SAMD12: variants seen among roughly 807,000 people sequenced by gnomAD.
The protein encoded by SAMD12 is sterile alpha motif domain-containing protein 12.
In SAMD12, 9 loss-of-function variants were observed where a neutral mutation model predicts 15.0. The ratio of observed to expected loss-of-function variants is 0.60; its 90% confidence interval spans 0.36 to 1.05. The LOEUF (loss-of-function observed/expected upper bound fraction) is 1.05, where lower values mean the gene tolerates loss of function less well. SAMD12 is among the 50% of genes least tolerant of loss of function. The pLI, the probability that SAMD12 is intolerant of heterozygous loss-of-function variation, is 0.01. For missense variants in SAMD12, 230 were observed against 234.2 expected, an observed-to-expected ratio of 0.98 and a Z score of 0.12; for synonymous variants, 86 against 90.1, an observed-to-expected ratio of 0.96 and a Z score of 0.25.
Position 118,346,363 on chromosome 8 carries a change from G to A in SAMD12, c.433+33197C>T, listed in dbSNP as rs888287504. ...CCCAACTGAATATTCCAGAAAGGTGGTAGAAATGTACTAGTCAGTTTTGCT... is the reference window on the plus strand; with the variant it reads ...CCCAACTGAATATTCCAGAAAGGTGATAGAAATGTACTAGTCAGTTTTGCT... On this transcript the variant is annotated intron_variant, in intron 4 of 4. Coordinates refer to the SAMD12 transcript ENST00000409003. Among the ~76,000 whole-genome samples, 52 of 152,154 alleles carry A rather than the reference G, an allele frequency of 3.4e-4. 2 individuals are homozygous for A. Among genetic ancestry groups the A allele is most frequent in the Admixed American group, 2.6e-4 (4 of 15,278 alleles).
chr8:118,439,771 A>G, intron 3 of SAMD12, 61 bp downstream of exon 3: 2 of 1,535,678 alleles, frequency 1.3e-6, no homozygotes, highest in Non-Finnish European at 1.8e-6. Context: ...GGGTATGGGA[A>G]AGGCTATCGT....
intron 4 of SAMD12, among the ~76,000 whole-genome samples, chr8:118,247,036 A>C (rs1812712257): frequency 6.6e-6 from 1 of 152,110 alleles, no homozygotes. Context: ...ATATGGCTGA[A>C]TATGGAGGAT....
chr8:118,581,904 A>C (rs1827305481), intron 1 of SAMD12, among the ~76,000 whole-genome samples: 2 of 152,132 alleles, frequency 1.3e-5, no homozygotes, highest in African/African-American at 4.8e-5. Context: ...CCAGATACTT[A>C]ATACCCCCAT....
At chr8:118,465,883 A>C (rs1823581491) in intron 2 of SAMD12, among the ~76,000 whole-genome samples, 5 of 152,130 alleles carry the variant, frequency 3.3e-5, no homozygotes, top group Admixed American at 2.6e-4. Context: ...CTGGGACTCA[A>C]AACTTTCAAC....
chr8:118,136,232 G>C, the SAMD12 span, among the ~76,000 whole-genome samples: 2 of 151,800 alleles, frequency 1.3e-5, no homozygotes, highest in Non-Finnish European at 2.9e-5. Context: ...GTTTCACCAT[G>C]TTGGCCAGGC....
At chr8:118,267,567 G>C (rs1813235301) in intron 4 of SAMD12, among the ~76,000 whole-genome samples, 1 of 152,072 alleles carries the variant, frequency 6.6e-6, no homozygotes, top group African/African-American at 2.4e-5. Flanking sequence ...CAAATTCTTG[G>C]TTCCTCCTCA....
chr8:118,471,503 C>A (rs1411368057), intron 2 of SAMD12, among the ~76,000 whole-genome samples: 4 of 152,088 alleles, frequency 2.6e-5, no homozygotes, highest in African/African-American at 9.7e-5. Context: ...ACCAATGTCA[C>A]CACTGAAAAC....
At chr8:118,141,092 G>C in the SAMD12 span, among the ~76,000 whole-genome samples, 1 of 152,198 alleles carries the variant, frequency 6.6e-6, no homozygotes, top group Admixed American at 6.5e-5. Flanking sequence ...CAGAGTGTTA[G>C]TCACAAGAGC....
chr8:118,425,810 T>C (rs1171752129), intron 3 of SAMD12, among the ~76,000 whole-genome samples: 3 of 152,180 alleles, frequency 2.0e-5, no homozygotes, highest in African/African-American at 7.2e-5. Context: ...TCGAATTTGG[T>C]TGGAAAAACA....
intron 4 of SAMD12, among the ~76,000 whole-genome samples, chr8:118,350,746 G>A (rs1346683192): frequency 2.6e-5 from 4 of 152,154 alleles, no homozygotes; most frequent in African/African-American, 7.2e-5. Context: ...AAGGCTAACC[G>A]TATTTTGGTT....
intron 2 of SAMD12, among the ~76,000 whole-genome samples, chr8:118,534,813 T>A (rs941732730): frequency 6.6e-6 from 1 of 152,242 alleles, no homozygotes; most frequent in Admixed American, 6.5e-5. Flanking sequence ...TAAGCTCTTC[T>A]CTATGCCGTT....
chr8:118,282,262 C>A, intron 4 of SAMD12: 1 of 456,190 alleles, frequency 2.2e-6, no homozygotes, highest in Non-Finnish European at 4.4e-6. Context: ...CTAAGAGGAA[C>A]TTTTAACTTG....
chr8:118,506,692 C>T, intron 2 of SAMD12, among the ~76,000 whole-genome samples: 1 of 151,912 alleles, frequency 6.6e-6, no homozygotes, highest in Admixed American at 6.6e-5. Context: ...TCACATTCCA[C>T]TGTTAGTTTT....
chr8:118,219,481 G>T (rs549818682), intron 4 of SAMD12, among the ~76,000 whole-genome samples: 5 of 152,316 alleles, frequency 3.3e-5, no homozygotes, highest in Non-Finnish European at 5.9e-5. Context: ...GTGGATTAAA[G>T]GTAGCTACAA....
intron 2 of SAMD12, among the ~76,000 whole-genome samples, chr8:118,481,786 T>C (rs1824135596): frequency 1.3e-5 from 2 of 151,678 alleles, no homozygotes; most frequent in Admixed American, 6.6e-5. Flanking sequence ...TTAAATATAA[T>C]AAAACTCCAA....
intron 2 of SAMD12, among the ~76,000 whole-genome samples, chr8:118,532,052 T>C (rs944464171): frequency 8.5e-5 from 13 of 152,232 alleles, no homozygotes; most frequent in African/African-American, 2.7e-4. Flanking sequence ...CAGTATGATA[T>C]TGGCTGTGGG....
chr8:118,132,960 A>ATGTGTG, the SAMD12 span, among the ~76,000 whole-genome samples: 430 of 80,834 alleles, frequency 5.3e-3, 27 homozygotes, highest in African/African-American at 0.024. Flanking sequence ...TAGCTAACAT[A>ATGTGTG]TGTGTGTGTG....
chr8:118,356,314 A>G (rs1296043999), intron 4 of SAMD12, among the ~76,000 whole-genome samples: 1 of 152,124 alleles, frequency 6.6e-6, no homozygotes, highest in East Asian at 1.9e-4. Context: ...AGTTTATTCC[A>G]CTGTTGACAA....
At chr8:118,395,020 C>T (rs1007848619) in intron 3 of SAMD12, 2 of 152,102 alleles carry the variant, frequency 1.3e-5, no homozygotes, top group Non-Finnish European at 2.9e-5. Context: ...CTTTAAGTCT[C>T]CGTTTTCCCA....
Sources: gnomAD v4.1 joint callset for allele counts (sites outside exome capture counted in the v4.1 genomes callset) on GRCh38, gnomAD v4.1.1 for gene constraint, MANE v1.5 for transcripts, NCBI Gene and HGNC (gene_info 2026-07-23, HGNC 2026-07-21) for gene names.